The following ABHD15 variants were observed in gnomAD, a reference collection of about 807,000 sequenced individuals.
The protein encoded by ABHD15 is abhydrolase domain containing 15.
In ABHD15, 34 loss-of-function variants were observed where a neutral mutation model predicts 34.4. The observed-to-expected ratio is 0.99, with a 90% CI of 0.75 to 1.32. The LOEUF (loss-of-function observed/expected upper bound fraction) is 1.32. Ranked by LOEUF, ABHD15 falls within the 40% of genes most tolerant of loss-of-function variation. The pLI is 0.00. For synonymous variants in ABHD15, 314 were observed against 299.2 expected (o/e 1.05, Z -0.51); for missense variants, 644 against 650.4 (o/e 0.99, Z 0.11).
chr17:29,562,470 C>T lies in ABHD15; in HGVS notation c.*91G>A. ...AATGAGGAGCACAGAGCTGGAGCTC[C>T]CTCTGTTCAGTCCGCCCCATCTTTC... On this transcript the variant is annotated 3_prime_UTR_variant, in exon 2 of 2. Transcript: ENST00000307201. 2.9e-6 allele frequency: 4 copies of T among 1,386,582 alleles called. No homozygotes were observed. The highest frequency in any genetic ancestry group is 2.9e-6 in the Non-Finnish European group (3 of 1,022,302). The allele number at this position is 1,386,582 out of a possible 1,614,324, so 85.9% of individuals were successfully genotyped here.
chr17:29,562,447 TGAG>T lies in ABHD15; in HGVS notation c.*111_*113del. 1 of 1,184,556 alleles carries T rather than the reference TGAG, an allele frequency of 8.4e-7. No homozygotes were observed. The highest frequency in any genetic ancestry group is 1.6e-5 in the South Asian group (1 of 64,426). The allele number at this position is 1,184,556 out of a possible 1,614,324, so 73.4% of individuals were successfully genotyped here. On this transcript the variant is annotated 3_prime_UTR_variant, in exon 2 of 2. Transcript: ENST00000307201. ...ACCAATTTAAGAGAGAGGGACTGAA[TGAG>T]GAGCACAGAGCTGGAGCTCCCTCTG...
In ABHD15 at chr17:29,566,446, A is replaced by G; in HGVS notation, c.521T>C (p.Val174Ala). ...CAGGGCGAGCAAGCAAAGGCCGAGC[A>G]CGTTGCGGGTGAGGCGACCCCACGC... ...PNAWGRLTRN[V>A]LGLCLLALER... Residue 174 changes from valine (V) to alanine (A), a missense_variant, in exon 1 of 2, where the codon GTG (valine) becomes GCG (alanine). Physicochemically the swap from Val to Ala is moderately conservative, Grantham distance 64. Coordinates refer to ENST00000307201, the MANE Select transcript of ABHD15 (RefSeq NM_198147.3). 6.2e-7 allele frequency: 1 copy of G among 1,612,536 alleles called. No individual in the cohort carries two copies. The highest frequency in any genetic ancestry group is 8.5e-7 in the Non-Finnish European group (1 of 1,179,820).
intron 1 of ABHD15, among the ~76,000 whole-genome samples, chr17:29,565,337 T>A (rs1359087676): frequency 6.6e-6 from 1 of 151,022 alleles, no homozygotes; most frequent in Non-Finnish European, 1.5e-5. Context: ...ATATATAACA[T>A]TTTTTTTTGA....
chr17:29,564,837 T>A (rs988883799), intron 1 of ABHD15, among the ~76,000 whole-genome samples: 1 of 152,110 alleles, frequency 6.6e-6, no homozygotes, highest in Non-Finnish European at 1.5e-5. Flanking sequence ...CATTCTGCCA[T>A]CTCCTAAGAA....
chr17:29,562,301 G>A lies in ABHD15; in HGVS notation c.*260C>T. ...CTTGTGATGTCAGTGACAGGTGACAGTGACTGGAACGCGCCGCTGCTGACC... is the reference window on the plus strand; with the variant it reads ...CTTGTGATGTCAGTGACAGGTGACAATGACTGGAACGCGCCGCTGCTGACC... On this transcript the variant is annotated 3_prime_UTR_variant, in exon 2 of 2. Transcript: ENST00000307201. 1 of 375,094 alleles carries A rather than the reference G, an allele frequency of 2.7e-6. No individual in the cohort carries two copies. The highest frequency in any genetic ancestry group is 4.8e-6 in the Non-Finnish European group (1 of 207,560). 23.2% of individuals were successfully genotyped at this position (375,094 alleles called of 1,614,324 possible).
chr17:29,563,743 C>A (rs1198643293), intron 1 of ABHD15, among the ~76,000 whole-genome samples: 1 of 151,956 alleles, frequency 6.6e-6, no homozygotes, highest in East Asian at 1.9e-4. Flanking sequence ...ACCTGTAGTC[C>A]CAGCTACTTG....
At position 29,562,730 on chromosome 17, in the gene ABHD15, C is replaced by G. The variant is rs150816352; in HGVS notation, c.1238G>C (p.Arg413Pro). ...CGTTCGGAAGAACTCAGTCAAGGCC[C>G]GGAAGGACTCCAAGATGACCTCATG... ...WSHEVILESF[R>P]ALTEFFRTEE... Residue 413 changes from arginine (R) to proline (P), a missense_variant, in exon 2 of 2, where the codon CGG (arginine) becomes CCG (proline). Transcript: ENST00000307201. 8.1e-6 allele frequency: 13 copies of G among 1,614,148 alleles called. No individual in the cohort carries two copies. The highest frequency in any genetic ancestry group is 1.0e-5 in the Non-Finnish European group (12 of 1,180,032).
chr17:29,567,024 T>A lies in ABHD15; in HGVS notation c.-58A>T. The A allele has an allele frequency of 3.3e-6, 4 of 1,223,052 alleles. No homozygotes were observed. 75.8% of individuals were successfully genotyped at this position (1,223,052 alleles called of 1,614,324 possible). On this transcript the variant is annotated 5_prime_UTR_variant, in exon 1 of 2. Coordinates refer to ENST00000307201, the MANE Select transcript of ABHD15 (RefSeq NM_198147.3). The surrounding 1 kb of genome is among the most constrained non-coding windows in gnomAD (Gnocchi z 6.6). ...CGGCGGGGCCGTCTACTCGGCGAGC[T>A]CCGCGCTTTGCCCGCGGCTCCGCCC...
rs2032617357 is a variant in ABHD15 at position 29,560,675 on chromosome 17, AAC to A, written c.*1884_*1885del. On this transcript the variant is annotated 3_prime_UTR_variant, in exon 2 of 2. Coordinates refer to ENST00000307201, the MANE Select transcript of ABHD15 (RefSeq NM_198147.3). The stretch of plus-strand genomic sequence containing the variant: ...TTTTTCTTTTCTTTTTTTTTTTTGA[AAC>A]ACAGTCTTACTCTGTCGCCCAGGCT... 1 of 151,742 alleles carries A rather than the reference AAC, an allele frequency of 6.6e-6. No homozygotes were observed. The highest frequency in any genetic ancestry group is 2.4e-5 in the African/African-American group (1 of 41,376). 9.4% of individuals were successfully genotyped at this position (151,742 alleles called of 1,614,324 possible).
At position 29,562,594 on chromosome 17, in the gene ABHD15, C is replaced by T. The variant is rs747148886; in HGVS notation, c.1374G>A (p.Glu458=). 1.2e-6 allele frequency: 2 copies of T among 1,613,786 alleles called. No homozygotes were observed. The highest frequency in any genetic ancestry group is 1.7e-6 in the Non-Finnish European group (2 of 1,179,922). Reference sequence around the variant, plus strand: ...TGTATGATCGCTTCCAGTTAAAGATCTCCTCCAGGTTGGAAGAGGAAGAGA... The same window carrying T: ...TGTATGATCGCTTCCAGTTAAAGATTTCCTCCAGGTTGGAAGAGGAAGAGA... ...REVSSSSNLE[E]IFNWKRSYTR The change falls in exon 2 of 2, where the codon GAG becomes GAA. Residue 458 remains glutamate (E), a synonymous_variant. Coordinates refer to ENST00000307201, the MANE Select transcript of ABHD15 (RefSeq NM_198147.3).
intron 1 of ABHD15, 132 bp from the exon 2 acceptor site, chr17:29,563,218 G>A (rs1399892633): frequency 4.7e-6 from 5 of 1,059,708 alleles, no homozygotes; most frequent in Non-Finnish European, 5.4e-6. Context: ...GGCCATTTAG[G>A]GCTTCGAAAA....
rs372216690 is a variant in ABHD15 at position 29,562,733 on chromosome 17, A to G, written c.1235T>C (p.Phe412Ser). ...AWSHEVILES[F>S]RALTEFFRTE... ...TCGGAAGAACTCAGTCAAGGCCCGG[A>G]AGGACTCCAAGATGACCTCATGGCT... Residue 412 changes from phenylalanine to serine, a missense_variant, in exon 2 of 2, where the codon TTC becomes TCC. Physicochemically the swap from Phe to Ser is radical, Grantham distance 155. Coordinates refer to ENST00000307201, the MANE Select transcript of ABHD15 (RefSeq NM_198147.3). 1.9e-6 allele frequency: 3 copies of G among 1,614,024 alleles called. No individual in the cohort carries two copies. The African/African-American group carries it at 4.0e-5, about 22-fold the overall frequency.
intron 1 of ABHD15, among the ~76,000 whole-genome samples, chr17:29,564,071 A>G (rs1363897813): frequency 6.6e-6 from 1 of 152,146 alleles, no homozygotes; most frequent in Non-Finnish European, 1.5e-5. Context: ...CCCTAGGGGC[A>G]GCATTTGACT....
chr17:29,562,789 GC>G lies in ABHD15; in HGVS notation c.1178del (p.Gly393AlafsTer23). On this transcript the variant is annotated frameshift_variant, in exon 2 of 2. Transcript: ENST00000307201. LOFTEE classifies it high-confidence loss of function. ...LLLSRHGGHCGFLRQEPLPAW... is the reference protein window; with the variant it reads ...LLLSRHGGHCXFLRQEPLPAW... ...CTGGCAAGGGCTCCTGGCGCAGGAA[GC>G]CACAGTGGCCTCCGTGGCGACTGAG... 1 of 1,613,418 alleles carries G rather than the reference GC, an allele frequency of 6.2e-7. No individual in the cohort carries two copies. Among genetic ancestry groups the G allele is most frequent in the South Asian group, 1.1e-5 (1 of 91,080 alleles).
intron 1 of ABHD15, among the ~76,000 whole-genome samples, chr17:29,565,310 C>A (rs980134248): frequency 6.6e-6 from 1 of 151,358 alleles, no homozygotes; most frequent in African/African-American, 2.4e-5. Flanking sequence ...TACATATATG[C>A]GTGTGTGTGT....
rs986128343 is a variant in ABHD15, at chr17:29,561,124, G to C, written c.*1437C>G. ...TCCAAACCTGAAATCAAGGCCTCAG[G>C]AATACCTTATACCAAGTCTTGGAAT... is the stretch of plus-strand genomic sequence containing the variant. On this transcript the variant is annotated 3_prime_UTR_variant, in exon 2 of 2. Transcript: ENST00000307201. 1 of 152,140 alleles carries C rather than the reference G, an allele frequency of 6.6e-6. No individual in the cohort carries two copies. Among genetic ancestry groups the C allele is most frequent in the Non-Finnish European group, 1.5e-5 (1 of 68,018 alleles). The allele number at this position is 152,140 out of a possible 1,614,324, so 9.4% of individuals were successfully genotyped here.
chr17:29,563,085 A>G lies in ABHD15; in HGVS notation c.883T>C (p.Tyr295His), dbSNP rs1444019061. ...ACAGTGTCCTCCAGGGCTGTGGCATACCTGGCAGCGAGGTGTTTAGTGGGG... is the reference window on the plus strand; with the variant it reads ...ACAGTGTCCTCCAGGGCTGTGGCATGCCTGGCAGCGAGGTGTTTAGTGGGG... ...LLHQKIALSRYATALEDTVDT... is the reference protein window; with the variant it reads ...LLHQKIALSRHATALEDTVDT... Residue 295 changes from tyrosine (Y) to histidine (H), a missense_variant and splice_region_variant, in exon 2 of 2, where the codon TAT (tyrosine) becomes CAT (histidine). By Grantham distance (83) the Tyr-to-His change is moderately conservative (BLOSUM62 2). Coordinates refer to ENST00000307201, the MANE Select transcript of ABHD15 (RefSeq NM_198147.3). 1 of 1,597,460 alleles carries G rather than the reference A, an allele frequency of 6.3e-7. No individual in the cohort carries two copies. The highest frequency in any genetic ancestry group is 1.7e-5 in the Admixed American group (1 of 59,692).
At position 29,560,572 on chromosome 17, in the gene ABHD15, C is replaced by T. The variant is rs1374240851; in HGVS notation, c.*1989G>A. ...TTAATTTCAGTTCCTTTTTATTTAT[C>T]CTGCTTAGAAACGGCAAAAGAACGT... is the stretch of plus-strand genomic sequence containing the variant. On this transcript the variant is annotated 3_prime_UTR_variant, in exon 2 of 2. Transcript: ENST00000307201. The T allele has an allele frequency of 6.6e-6, 1 of 152,070 alleles. No homozygotes were observed. The highest frequency in any genetic ancestry group is 1.5e-5 in the Non-Finnish European group (1 of 68,022). The allele number at this position is 152,070 out of a possible 1,614,324, so 9.4% of individuals were successfully genotyped here.
chr17:29,562,607 G>C lies in ABHD15; in HGVS notation c.1361C>G (p.Ser454Cys). Reference protein sequence around the residue: ...ALQRREVSSSSNLEEIFNWKR... With the variant: ...ALQRREVSSSCNLEEIFNWKR... The stretch of plus-strand genomic sequence containing the variant: ...CCAGTTAAAGATCTCCTCCAGGTTG[G>C]AAGAGGAAGAGACTTCCCGCCTCTG... Residue 454 changes from serine to cysteine, a missense_variant, in exon 2 of 2, where the codon TCC becomes TGC. Ser to Cys is a moderately radical substitution (Grantham distance 112). Transcript: ENST00000307201. 6.2e-7 allele frequency: 1 copy of C among 1,613,966 alleles called. No individual in the cohort carries two copies. The highest frequency in any genetic ancestry group is 8.5e-7 in the Non-Finnish European group (1 of 1,180,014).
Sources: gnomAD v4.1 joint callset for allele counts (sites outside exome capture counted in the v4.1 genomes callset) on GRCh38, gnomAD v4.1.1 for gene constraint, Gnocchi (gnomAD v3.1) non-coding constraint, MANE v1.5 for transcripts, NCBI Gene and HGNC (gene_info 2026-07-23, HGNC 2026-07-21) for gene names.